FLVCR2: variants seen among roughly 807,000 people sequenced by gnomAD.
FLVCR2 encodes the protein choline/ethanolamine transporter FLVCR2.
In FLVCR2, 38 loss-of-function variants were observed where a neutral mutation model predicts 48.9. The observed-to-expected ratio is 0.78, with a 90% CI of 0.60 to 1.02. FLVCR2 has a LOEUF of 1.02. Among genes scored for constraint, FLVCR2 ranks in the 50% least tolerant of loss-of-function variants. The pLI, the probability that FLVCR2 is intolerant of heterozygous loss-of-function variation, is 0.00. For synonymous variants in FLVCR2, 255 were observed against 257.0 expected (o/e 0.99, Z 0.07); for missense variants, 664 against 663.3 (o/e 1.00, Z -0.01).
rs538147573 is a variant in FLVCR2, at chr14:75,612,736, A to T, written c.670-9343A>T. ...TAGTTTTGCAGTGTCTCTCAGCCCC[A>T]GCAGCCACCTTGGACTCTCCTTGCT... On this transcript the variant is annotated intron_variant, in intron 1 of 9. Transcript: ENST00000238667. 8.5e-5 allele frequency among the ~76,000 whole-genome samples: 13 copies of T among 152,236 alleles called. No homozygotes were observed. The South Asian group carries it at 2.7e-3, about 32-fold the overall frequency.
intron 1 of FLVCR2, among the ~76,000 whole-genome samples, chr14:75,618,405 A>T (rs905836049): frequency 6.6e-6 from 1 of 152,228 alleles, no homozygotes. Context: ...GTAAAAATGA[A>T]GAGAGCCTAA....
intron 3 of FLVCR2, among the ~76,000 whole-genome samples, chr14:75,626,992 G>A (rs1889915288): frequency 6.6e-6 from 1 of 151,958 alleles, no homozygotes; most frequent in South Asian, 2.1e-4. Flanking sequence ...GTGGTCCTCA[G>A]TGCTGGAGGT....
intron 8 of FLVCR2, 51 bp downstream of exon 8, chr14:75,641,344 C>T (rs1317750821): frequency 3.3e-6 from 4 of 1,224,410 alleles, no homozygotes; most frequent in Non-Finnish European, 4.8e-6. Flanking sequence ...CATTTGGGAC[C>T]CTAGTGTCTC....
At chr14:75,581,387 G>A (rs1888602399) in intron 1 of FLVCR2, among the ~76,000 whole-genome samples, 1 of 152,284 alleles carries the variant, frequency 6.6e-6, no homozygotes, top group African/African-American at 2.4e-5. Context: ...TCTTTTTTAA[G>A]TTTGAAGCTG....
intron 1 of FLVCR2, among the ~76,000 whole-genome samples, chr14:75,586,311 A>G (rs1888747766): frequency 6.6e-6 from 1 of 152,232 alleles, no homozygotes; most frequent in Non-Finnish European, 1.5e-5. Context: ...GAACCTTCTT[A>G]AGGGTGGGGG....
intron 1 of FLVCR2, among the ~76,000 whole-genome samples, chr14:75,585,724 T>A (rs1023637409): frequency 6.6e-6 from 1 of 152,106 alleles, no homozygotes; most frequent in African/African-American, 2.4e-5. Context: ...GTCCCCGCAA[T>A]GATTAAACAC....
chr14:75,605,406 G>T, intron 1 of FLVCR2: 1 of 1,418,446 alleles, frequency 7.0e-7, no homozygotes, highest in South Asian at 1.5e-5. Context: ...CTTTTTCTTT[G>T]GTGAGTCATT....
At chr14:75,590,572 T>C (rs540159874) in intron 1 of FLVCR2, among the ~76,000 whole-genome samples, 1 of 152,326 alleles carries the variant, frequency 6.6e-6, no homozygotes, top group East Asian at 1.9e-4. Context: ...GGGAGGAGAT[T>C]GTCTCATGGG....
At position 75,640,405 on chromosome 14, in the gene FLVCR2, T is replaced by TTGTGTGTGTG. The variant is rs10562124; in HGVS notation, c.1236-530_1236-521dup. ...TTTCCTATGGGCAGTATATGAGTGT[T>TTGTGTGTGTG]TGTGTGTGTGTGTGTGTGTGTGTGT... On this transcript the variant is annotated intron_variant, in intron 6 of 9. Coordinates refer to ENST00000238667, the MANE Select transcript of FLVCR2 (RefSeq NM_017791.3). Among the ~76,000 whole-genome samples, 521 of 148,484 alleles carry TTGTGTGTGTG rather than the reference T, an allele frequency of 3.5e-3. 3 individuals are homozygous for TTGTGTGTGTG. The highest frequency in any genetic ancestry group is 5.7e-3 in the Non-Finnish European group (382 of 66,920).
chr14:75,633,686 G>A lies in FLVCR2; in HGVS notation c.1010G>A (p.Trp337Ter). ...ACTCTTCTGAATCGCATGGTGATCT[G>A]GCACTACCCGGTAAGGGAGTTCCCT... ...LSTLLNRMVIWHYPGEEVNAG... is the reference protein window; with the variant it reads ...LSTLLNRMVI The change falls in exon 4 of 10, where the codon TGG becomes TAG. Residue 337 changes from tryptophan (W) to a stop codon, truncating the protein, a stop_gained. Transcript: ENST00000238667. LOFTEE classifies it high-confidence loss of function. 2.5e-6 allele frequency: 4 copies of A among 1,613,226 alleles called. No homozygotes were observed. Among genetic ancestry groups the A allele is most frequent in the Non-Finnish European group, 3.4e-6 (4 of 1,179,176 alleles).
At chr14:75,610,152 A>T (rs561417858) in intron 1 of FLVCR2, among the ~76,000 whole-genome samples, 59 of 152,344 alleles carry the variant, frequency 3.9e-4, no homozygotes, top group African/African-American at 1.4e-3. Context: ...TAGCCGAGTC[A>T]TGGGGAAGTT....
At chr14:75,621,880 G>T (rs1246272960) in intron 1 of FLVCR2, among the ~76,000 whole-genome samples, 199 bp from the exon 2 acceptor site, 1 of 152,132 alleles carries the variant, frequency 6.6e-6, no homozygotes, top group Non-Finnish European at 1.5e-5. Context: ...TAGTGAGGGT[G>T]GTCAGAAGGA....
At chr14:75,605,566 C>T in intron 1 of FLVCR2, 3 of 1,536,060 alleles carry the variant, frequency 2.0e-6, no homozygotes, top group Non-Finnish European at 2.6e-6. Context: ...CAGCCTTGTC[C>T]CAGCATGAGC....
chr14:75,637,494 A>G (rs1205603333), intron 5 of FLVCR2, among the ~76,000 whole-genome samples: 1 of 152,136 alleles, frequency 6.6e-6, no homozygotes. Context: ...TGGGAGGCGG[A>G]GGCGGGCAGA....
At chr14:75,598,815 G>T (rs1350140306) in intron 1 of FLVCR2, among the ~76,000 whole-genome samples, 1 of 152,224 alleles carries the variant, frequency 6.6e-6, no homozygotes, top group African/African-American at 2.4e-5. Flanking sequence ...TGTTATAGTT[G>T]CTTGTTAATT....
chr14:75,613,623 C>T (rs1429814526), intron 1 of FLVCR2, among the ~76,000 whole-genome samples: 1 of 151,952 alleles, frequency 6.6e-6, no homozygotes, highest in African/African-American at 2.4e-5. Flanking sequence ...ACATCTTGGC[C>T]CACTGCAACC....
Position 75,638,366 on chromosome 14 carries a change from G to A in FLVCR2, c.1125-986G>A, listed in dbSNP as rs370909007. Among the ~76,000 whole-genome samples the A allele has an allele frequency of 9.9e-5, 15 of 152,260 alleles. No homozygotes were observed. The South Asian group carries it at 1.4e-3, about 15-fold the overall frequency. On this transcript the variant is annotated intron_variant, in intron 5 of 9. Coordinates refer to ENST00000238667, the MANE Select transcript of FLVCR2 (RefSeq NM_017791.3). ...GCAGAAGAATCGCTTGAACCCGGGA[G>A]GCAGAGGTTGCAGTGAGCTGAGATC...
chr14:75,633,897 G>C (rs1468780462), intron 4 of FLVCR2, among the ~76,000 whole-genome samples: 1 of 151,956 alleles, frequency 6.6e-6, no homozygotes, highest in Non-Finnish European at 1.5e-5. Flanking sequence ...GTGATGGCTT[G>C]ACAGTGTGAC....
chr14:75,581,586 G>T lies in FLVCR2; in HGVS notation c.669+1945G>T, dbSNP rs183650443. 2.5e-3 allele frequency among the ~76,000 whole-genome samples: 385 copies of T among 152,304 alleles called. 2 individuals are homozygous for T. Among genetic ancestry groups the T allele is most frequent in the African/African-American group, 8.8e-3 (367 of 41,562 alleles). ...TGGGAAGGCCAAACTGAGGAATTATGTCTGACAGAAGGGAAGAAATGACCG... is the reference window on the plus strand; with the variant it reads ...TGGGAAGGCCAAACTGAGGAATTATTTCTGACAGAAGGGAAGAAATGACCG... On this transcript the variant is annotated intron_variant, in intron 1 of 9. Transcript: ENST00000238667.
Sources: allele counts gnomAD v4.1 joint callset (sites outside exome capture counted in the v4.1 genomes callset), GRCh38; gene constraint gnomAD v4.1.1; transcripts MANE v1.5; gene names NCBI Gene and HGNC (gene_info 2026-07-23, HGNC 2026-07-21).